The following GPR139 variants were observed in gnomAD, a reference collection of about 807,000 sequenced individuals.
The protein encoded by GPR139 is probable G protein-coupled receptor 139.
In GPR139, 12 loss-of-function variants were observed where a neutral mutation model predicts 25.8. The ratio of observed to expected loss-of-function variants is 0.47; its 90% confidence interval spans 0.30 to 0.75. GPR139 has a LOEUF of 0.75. Among genes scored for constraint, GPR139 ranks in the 30% least tolerant of loss-of-function variants. GPR139 has a pLI of 0.07. For missense variants in GPR139, 380 were observed against 450.2 expected, an observed-to-expected ratio of 0.84 and a Z score of 1.41; for synonymous variants, 184 against 179.9, an observed-to-expected ratio of 1.02 and a Z score of -0.18.
At chr16:20,051,603 G>A (rs2057372623) in intron 1 of GPR139, among the ~76,000 whole-genome samples, 1 of 152,198 alleles carries the variant, frequency 6.6e-6, no homozygotes, top group Admixed American at 6.5e-5. Flanking sequence ...TGTACCTCCA[G>A]CCCAAGCACA....
chr16:20,058,098 T>G (rs1188016421), intron 1 of GPR139, among the ~76,000 whole-genome samples: 1 of 152,212 alleles, frequency 6.6e-6, no homozygotes. Context: ...ATTGGTTAAA[T>G]GCCTACTATG....
chr16:20,057,013 T>C (rs180729044), intron 1 of GPR139, among the ~76,000 whole-genome samples: 1 of 152,264 alleles, frequency 6.6e-6, no homozygotes, highest in Admixed American at 6.5e-5. Flanking sequence ...GTCGGGAGAA[T>C]CTTCAATCAG....
chr16:20,072,400 A>G (rs927172348), intron 1 of GPR139, among the ~76,000 whole-genome samples: 30 of 152,196 alleles, frequency 2.0e-4, no homozygotes, highest in Non-Finnish European at 1.5e-4. Flanking sequence ...GCAAGATGCT[A>G]AGGTTCGCAG....
chr16:20,066,184 C>T (rs1017570932), intron 1 of GPR139, among the ~76,000 whole-genome samples: 3 of 152,212 alleles, frequency 2.0e-5, no homozygotes, highest in African/African-American at 7.2e-5. Context: ...AGACACCTGG[C>T]CACTATCATT....
At chr16:20,067,804 C>CAAAAAAAAA (rs35387821) in intron 1 of GPR139, among the ~76,000 whole-genome samples, 1 of 68,688 alleles carries the variant, frequency 1.5e-5, no homozygotes, top group Non-Finnish European at 2.6e-5. Flanking sequence ...AACTCCATCT[C>CAAAAAAAAA]AAAAAAAAAA....
chr16:20,056,682 G>A (rs995180387), intron 1 of GPR139, among the ~76,000 whole-genome samples: 30 of 152,250 alleles, frequency 2.0e-4, no homozygotes, highest in African/African-American at 7.0e-4. Flanking sequence ...CTCTTTTTAA[G>A]CATTAGGAAT....
intron 1 of GPR139, among the ~76,000 whole-genome samples, chr16:20,038,432 C>T (rs996982150): frequency 1.1e-4 from 16 of 150,650 alleles, no homozygotes; most frequent in African/African-American, 2.7e-4. Flanking sequence ...GTTTGAAGTG[C>T]GGTGCTAAAA....
intron 1 of GPR139, among the ~76,000 whole-genome samples, chr16:20,048,273 G>C (rs923637311): frequency 1.3e-5 from 2 of 152,042 alleles, no homozygotes; most frequent in Admixed American, 6.5e-5. Context: ...ATCTTTTTGG[G>C]ACCATTAGCT....
chr16:20,031,536 A>G lies in GPR139; in HGVS notation c.*199T>C, dbSNP rs575618836. 4.0e-4 allele frequency: 236 copies of G among 589,768 alleles called. No individual in the cohort carries two copies. The South Asian group carries it at 4.7e-3, about 12-fold the overall frequency. 36.5% of individuals were successfully genotyped at this position (589,768 alleles called of 1,614,324 possible). ...TGTCATTACGACTCTGTGGAAATAA[A>G]TGCATAAGTAAAAACAAGCTTCATG... On this transcript the variant is annotated 3_prime_UTR_variant, in exon 2 of 2. Coordinates refer to ENST00000570682, the MANE Select transcript of GPR139 (RefSeq NM_001002911.4).
intron 1 of GPR139, among the ~76,000 whole-genome samples, chr16:20,049,964 T>G (rs1396515973): frequency 2.0e-5 from 3 of 152,246 alleles, no homozygotes; most frequent in Admixed American, 6.5e-5. Context: ...GCCAGCTTCC[T>G]TCGCTTTCTT....
Position 20,041,241 on chromosome 16 carries a change from GAGAGGAGAGGGAAGGAGAAAAGAAA to G in GPR139, c.128-8597_128-8573del, listed in dbSNP as rs2057333380. Among the ~76,000 whole-genome samples the G allele has an allele frequency of 4.3e-4, 3 of 6,986 alleles. 1 individual carries two copies. Among genetic ancestry groups the G allele is most frequent in the Non-Finnish European group, 1.0e-3 (3 of 2,914 alleles). The allele number at this position is 6,986 out of a possible 152,430, so 4.6% of individuals were successfully genotyped here. A position where few individuals can be genotyped will look rare whatever the true frequency, so the allele number is the denominator to read the frequency against. On this transcript the variant is annotated intron_variant, in intron 1 of 1. Transcript: ENST00000570682. Reference sequence around the variant, plus strand: ...GAGAGGAGAGGAGAGGAGAGGAGAGGAGAGGAGAGGGAAGGAGAAAAGAAAAGCATCTCTCTCTGACAAAGTTGCC... The same window carrying G: ...GAGAGGAGAGGAGAGGAGAGGAGAGGAGCATCTCTCTCTGACAAAGTTGCC...
chr16:20,072,567 C>T (rs558027417), intron 1 of GPR139, among the ~76,000 whole-genome samples: 142 of 152,274 alleles, frequency 9.3e-4, no homozygotes, highest in Non-Finnish European at 1.7e-3. Flanking sequence ...CAAGGAGGGT[C>T]CACCCAAAGC....
intron 1 of GPR139, among the ~76,000 whole-genome samples, chr16:20,052,948 C>G (rs1485947724): frequency 6.6e-6 from 1 of 152,020 alleles, no homozygotes; most frequent in Non-Finnish European, 1.5e-5. Context: ...GTTTGCTGCA[C>G]CTATCAATCC....
intron 1 of GPR139, among the ~76,000 whole-genome samples, chr16:20,049,813 C>T (rs35540474): frequency 0.082 from 12,411 of 152,230 alleles, 592 homozygotes; most frequent in Non-Finnish European, 0.11. Context: ...TCATATGATT[C>T]TTGTGGGAAT....
At chr16:20,052,123 C>T (rs2057374335) in intron 1 of GPR139, among the ~76,000 whole-genome samples, 2 of 152,194 alleles carry the variant, frequency 1.3e-5, no homozygotes, top group South Asian at 4.1e-4. Context: ...CACACTCACT[C>T]CAGCCCCTGG....
intron 1 of GPR139, among the ~76,000 whole-genome samples, chr16:20,041,360 T>A (rs2141204551): frequency 6.6e-6 from 1 of 151,230 alleles, no homozygotes; most frequent in East Asian, 2.0e-4. Context: ...ATTGCAGCGG[T>A]GTTATTTTAC....
intron 1 of GPR139, among the ~76,000 whole-genome samples, chr16:20,067,540 C>G (rs2057439370): frequency 6.6e-6 from 1 of 152,166 alleles, no homozygotes; most frequent in South Asian, 2.1e-4. Flanking sequence ...CACAGTGGCT[C>G]TTGCCTGTAA....
At chr16:20,059,123 G>A (rs572373517) in intron 1 of GPR139, among the ~76,000 whole-genome samples, 2 of 152,218 alleles carry the variant, frequency 1.3e-5, no homozygotes, top group Admixed American at 1.3e-4. Flanking sequence ...GGGCACCCTG[G>A]TGATGATCCT....
chr16:20,065,771 G>A (rs2141214867), intron 1 of GPR139, among the ~76,000 whole-genome samples: 1 of 152,006 alleles, frequency 6.6e-6, no homozygotes, highest in Middle Eastern at 3.4e-3. Context: ...TGCCCGGGAG[G>A]CTGAGGCAGA....
Sources: allele counts gnomAD v4.1 joint callset (sites outside exome capture counted in the v4.1 genomes callset), GRCh38; gene constraint gnomAD v4.1.1; transcripts MANE v1.5; gene names NCBI Gene and HGNC (gene_info 2026-07-23, HGNC 2026-07-21).